Variants in CYSTM1 observed in about 807,000 individuals in gnomAD.
CYSTM1 encodes the protein cysteine rich transmembrane module containing 1, also known as cysteine-rich transmembrane module-containing protein 1.
In CYSTM1, 4 loss-of-function variants were observed where a neutral mutation model predicts 13.1. The ratio of observed to expected loss-of-function variants is 0.31; its 90% confidence interval spans 0.15 to 0.70. The LOEUF is 0.70. CYSTM1 is among the 30% of genes least tolerant of loss of function. The probability of loss-of-function intolerance (pLI) is 0.72; values close to 1 mark genes in which losing one functional copy is unlikely to be tolerated. For missense variants in CYSTM1, 96 were observed against 121.6 expected (o/e 0.79, Z 0.99); for synonymous variants, 36 against 42.7 (o/e 0.84, Z 0.62).
intron 1 of CYSTM1, among the ~76,000 whole-genome samples, chr5:140,188,746 TC>T (rs1764053783): frequency 8.0e-6 from 1 of 124,472 alleles, no homozygotes; most frequent in African/African-American, 3.2e-5. Flanking sequence ...GCCACTGCAG[TC>T]CCACCTGGGT....
chr5:140,183,360 T>C (rs1763980380), intron 1 of CYSTM1, among the ~76,000 whole-genome samples: 1 of 152,246 alleles, frequency 6.6e-6, no homozygotes, highest in African/African-American at 2.4e-5. Flanking sequence ...TTCTGTTCAA[T>C]ACTGCCCTCT....
At chr5:140,212,013 T>C (rs1764373696) in intron 2 of CYSTM1, among the ~76,000 whole-genome samples, 1 of 152,188 alleles carries the variant, frequency 6.6e-6, no homozygotes, top group Non-Finnish European at 1.5e-5. Context: ...TATTACCATT[T>C]CTAATTAGAT....
At chr5:140,237,255 C>T (rs1485368572) in intron 2 of CYSTM1, among the ~76,000 whole-genome samples, 1 of 152,196 alleles carries the variant, frequency 6.6e-6, no homozygotes, top group East Asian at 1.9e-4. Flanking sequence ...AGATCTGGAC[C>T]TAACACACAG....
At chr5:140,199,371 G>A (rs1488388679) in intron 2 of CYSTM1, among the ~76,000 whole-genome samples, 1 of 152,188 alleles carries the variant, frequency 6.6e-6, no homozygotes, top group East Asian at 1.9e-4. Context: ...AGATCCTTGA[G>A]GAATTACCAC....
chr5:140,180,287 A>G (rs950566175), intron 1 of CYSTM1, among the ~76,000 whole-genome samples: 6 of 152,198 alleles, frequency 3.9e-5, no homozygotes, highest in Admixed American at 2.6e-4. Flanking sequence ...GCCCAGGGAC[A>G]CTACGTACTG....
At chr5:140,207,886 G>T (rs1178997154) in intron 2 of CYSTM1, among the ~76,000 whole-genome samples, 1 of 152,116 alleles carries the variant, frequency 6.6e-6, no homozygotes, top group Admixed American at 6.5e-5. Context: ...ATCTTGATTT[G>T]TAATTTTATA....
At position 140,225,632 on chromosome 5, in the gene CYSTM1, T is replaced by C. The variant is rs186220326; in HGVS notation, c.188-17673T>C. Among the ~76,000 whole-genome samples the C allele has an allele frequency of 4.8e-4, 73 of 152,370 alleles. No homozygotes were observed. In the East Asian group the frequency reaches 6.7e-3, roughly 14 times the overall value. ...AAGATGTGACCGGTTTCCCTGACTT[T>C]GAACCTTGGCTCTGATGTCATGTAG... On this transcript the variant is annotated intron_variant, in intron 2 of 2. Coordinates refer to ENST00000261811, the MANE Select transcript of CYSTM1 (RefSeq NM_032412.4).
intron 2 of CYSTM1, among the ~76,000 whole-genome samples, chr5:140,223,175 C>T (rs1158372135): frequency 2.0e-5 from 3 of 152,164 alleles, no homozygotes; most frequent in Admixed American, 6.5e-5. Context: ...GGAGGAACCA[C>T]CTAGAGATCC....
At chr5:140,195,599 G>A (rs1184124572) in intron 2 of CYSTM1, among the ~76,000 whole-genome samples, 2 of 151,408 alleles carry the variant, frequency 1.3e-5, no homozygotes, top group Non-Finnish European at 2.9e-5. Context: ...CTGCCACCAC[G>A]CCCGGCTAAT....
chr5:140,213,004 T>TATATATATATATATATAA (rs1764388084), intron 2 of CYSTM1, among the ~76,000 whole-genome samples: 1 of 136,422 alleles, frequency 7.3e-6, no homozygotes, highest in Non-Finnish European at 1.6e-5. Flanking sequence ...TATATATATA[T>TATATATATATATATATAA]ATATATGAGA....
At chr5:140,242,693 G>C (rs1561486621) in intron 2 of CYSTM1, among the ~76,000 whole-genome samples, 1 of 152,100 alleles carries the variant, frequency 6.6e-6, no homozygotes, top group Non-Finnish European at 1.5e-5. Context: ...CCATTTGGAG[G>C]AAAAGTGAGC....
At chr5:140,243,238 G>T in intron 2 of CYSTM1, 67 bp from the exon 3 acceptor site, 3 of 1,353,446 alleles carry the variant, frequency 2.2e-6, no homozygotes, top group Non-Finnish European at 1.1e-6. Context: ...GGTCCTGGGA[G>T]GCTAACTTTG....
At chr5:140,202,773 T>G (rs930235811) in intron 2 of CYSTM1, 3 of 152,198 alleles carry the variant, frequency 2.0e-5, no homozygotes, top group Non-Finnish European at 2.9e-5. Context: ...GATGTCCAAC[T>G]GCTGGGAGGG....
intron 2 of CYSTM1, among the ~76,000 whole-genome samples, chr5:140,209,576 C>G (rs1445567696): frequency 6.6e-6 from 1 of 151,986 alleles, no homozygotes; most frequent in Non-Finnish European, 1.5e-5. Context: ...ACTACAGGTG[C>G]CTGCCACCAT....
intron 1 of CYSTM1, among the ~76,000 whole-genome samples, chr5:140,182,262 T>G (rs906616222): frequency 6.6e-6 from 1 of 152,060 alleles, no homozygotes; most frequent in African/African-American, 2.4e-5. Context: ...AATAGTGAGT[T>G]TTTCAGGCAG....
At chr5:140,225,662 T>C (rs968032287) in intron 2 of CYSTM1, among the ~76,000 whole-genome samples, 3 of 152,246 alleles carry the variant, frequency 2.0e-5, no homozygotes, top group Non-Finnish European at 4.4e-5. Flanking sequence ...ATGTAGTTAG[T>C]TGAGGCCAAA....
intron 1 of CYSTM1, among the ~76,000 whole-genome samples, chr5:140,182,614 G>C (rs1242252991): frequency 6.6e-6 from 1 of 151,270 alleles, no homozygotes; most frequent in Non-Finnish European, 1.5e-5. Flanking sequence ...TCTTTCTTGG[G>C]GGGCAGGAGG....
intron 1 of CYSTM1, among the ~76,000 whole-genome samples, chr5:140,187,061 G>T (rs1764022706): frequency 6.6e-6 from 1 of 152,130 alleles, no homozygotes; most frequent in African/African-American, 2.4e-5. Context: ...GGAAGGCAGA[G>T]GTTGTAGTGA....
intron 1 of CYSTM1, among the ~76,000 whole-genome samples, chr5:140,193,539 A>G (rs1764117226): frequency 6.6e-6 from 1 of 152,156 alleles, no homozygotes; most frequent in African/African-American, 2.4e-5. Flanking sequence ...GGCCTCCCAA[A>G]GTGCTGGGAT....
Sources: gnomAD v4.1 joint callset for allele counts (sites outside exome capture counted in the v4.1 genomes callset) on GRCh38, gnomAD v4.1.1 for gene constraint, MANE v1.5 for transcripts, NCBI Gene and HGNC (gene_info 2026-07-23, HGNC 2026-07-21) for gene names.